Variants in RPN2 observed in about 807,000 individuals in gnomAD.
The protein encoded by RPN2 is ribophorin II.
Under a neutral mutation model 71.4 loss-of-function variants are expected in RPN2, and 29 were observed. That is an observed-to-expected ratio of 0.41 (90% CI 0.30 to 0.55). The LOEUF (loss-of-function observed/expected upper bound fraction) is 0.55, where lower values mean the gene tolerates loss of function less well. Ranked by LOEUF, RPN2 falls within the 20% of genes least tolerant of loss-of-function variation. RPN2 has a pLI of 0.35. For missense variants in RPN2, 726 were observed against 774.1 expected, an observed-to-expected ratio of 0.94 and a Z score of 0.74; for synonymous variants, 308 against 305.0, an observed-to-expected ratio of 1.01 and a Z score of -0.10.
At chr20:37,236,738 G>C in intron 16 of RPN2, 29 bp downstream of exon 16, 1 of 1,611,668 alleles carries the variant, frequency 6.2e-7, no homozygotes, top group Non-Finnish European at 8.5e-7. Flanking sequence ...CAGGGATCTA[G>C]AGTAGGGTTA....
intron 9 of RPN2, among the ~76,000 whole-genome samples, chr20:37,216,862 T>G (rs1481993232): frequency 6.6e-6 from 1 of 152,200 alleles, no homozygotes; most frequent in Non-Finnish European, 1.5e-5. Context: ...TTTTACACCC[T>G]TTTCTATAAT....
intron 2 of RPN2, among the ~76,000 whole-genome samples, chr20:37,190,563 G>A (rs560552407): frequency 2.0e-5 from 3 of 152,234 alleles, no homozygotes; most frequent in Admixed American, 6.5e-5. Context: ...GTGGTAATAC[G>A]TAGTATTACC....
At chr20:37,191,349 G>A (rs1397753167) in intron 2 of RPN2, among the ~76,000 whole-genome samples, 1 of 151,060 alleles carries the variant, frequency 6.6e-6, no homozygotes, top group Non-Finnish European at 1.5e-5. Flanking sequence ...TGGTGGGCAT[G>A]CCTGTAATCC....
intron 15 of RPN2, among the ~76,000 whole-genome samples, chr20:37,235,525 T>C (rs1451628102): frequency 6.6e-6 from 1 of 152,218 alleles, no homozygotes; most frequent in Non-Finnish European, 1.5e-5. Flanking sequence ...CCCTTTTCAC[T>C]CAGCCTTCTT....
At chr20:37,224,211 T>C (rs2050297974) in intron 10 of RPN2, among the ~76,000 whole-genome samples, 1 of 152,230 alleles carries the variant, frequency 6.6e-6, no homozygotes, top group African/African-American at 2.4e-5. Flanking sequence ...TAACCAGTCC[T>C]CAACGAGGTA....
Position 37,236,560 on chromosome 20 carries a change from C to T in RPN2, c.1754-20C>T. The T allele has an allele frequency of 3.1e-6, 5 of 1,613,712 alleles. No individual in the cohort carries two copies. Among genetic ancestry groups the T allele is most frequent in the African/African-American group, 1.3e-5 (1 of 75,066 alleles). On this transcript the variant is annotated intron_variant, in intron 15 of 16. Coordinates refer to ENST00000237530, the MANE Select transcript of RPN2 (RefSeq NM_002951.5). ...CATTATGTTTCATTTAATTGGATGT[C>T]ATGACACCTCTTCTTGCAGCTATGC... is the stretch of plus-strand genomic sequence containing the variant.
chr20:37,221,398 A>T (rs1387810118), intron 9 of RPN2, among the ~76,000 whole-genome samples: 1 of 152,048 alleles, frequency 6.6e-6, no homozygotes, highest in Non-Finnish European at 1.5e-5. Context: ...GGGTTTTGCC[A>T]TGTTGGTCAT....
At chr20:37,193,292 A>G (rs990318174) in intron 2 of RPN2, among the ~76,000 whole-genome samples, 3 of 152,198 alleles carry the variant, frequency 2.0e-5, no homozygotes, top group Admixed American at 1.3e-4. Flanking sequence ...GTGAAGGAAG[A>G]TGTGATTGAT....
At chr20:37,184,472 T>C in intron 2 of RPN2, 99 bp downstream of exon 2, 1 of 1,077,352 alleles carries the variant, frequency 9.3e-7, no homozygotes, top group Non-Finnish European at 1.4e-6. Context: ...TCTTGCTCAT[T>C]TGAGGATAAC....
chr20:37,183,705 G>A (rs1321306710), intron 1 of RPN2, among the ~76,000 whole-genome samples: 1 of 152,196 alleles, frequency 6.6e-6, no homozygotes, highest in East Asian at 1.9e-4. Flanking sequence ...AGCTGCTTAA[G>A]GAAGAGGTGC....
chr20:37,185,149 T>G (rs2146514166), intron 2 of RPN2, among the ~76,000 whole-genome samples: 1 of 151,766 alleles, frequency 6.6e-6, no homozygotes, highest in Non-Finnish European at 1.5e-5. Context: ...ACAGTCTTTT[T>G]TTTTTTTTTT....
chr20:37,237,413 G>A (rs2068428350), intron 16 of RPN2, among the ~76,000 whole-genome samples: 1 of 152,206 alleles, frequency 6.6e-6, no homozygotes, highest in Non-Finnish European at 1.5e-5. Context: ...GAACAGAATT[G>A]CTTTCACCTC....
chr20:37,191,739 A>T (rs994264173), intron 2 of RPN2, among the ~76,000 whole-genome samples: 1 of 152,116 alleles, frequency 6.6e-6, no homozygotes, highest in Non-Finnish European at 1.5e-5. Flanking sequence ...ATAAAACATA[A>T]GCATGTCAGA....
intron 2 of RPN2, among the ~76,000 whole-genome samples, chr20:37,186,600 A>G (rs1373341044): frequency 2.0e-5 from 3 of 152,212 alleles, no homozygotes; most frequent in Admixed American, 1.3e-4. Context: ...GGCATGAGCC[A>G]TTGTGCCTGA....
rs539172057 is a variant in RPN2 at position 37,182,457 on chromosome 20, C to G, written c.14-1723C>G. ...CCAGGGTGGAGTGCCATGGTGTGAT[C>G]TCAGCTCACTGCAGTCTCAACCTCC... On this transcript the variant is annotated intron_variant, in intron 1 of 16. Coordinates refer to ENST00000237530, the MANE Select transcript of RPN2 (RefSeq NM_002951.5). 2.6e-5 allele frequency among the ~76,000 whole-genome samples: 4 copies of G among 152,260 alleles called. No individual in the cohort carries two copies. The South Asian group carries it at 8.3e-4, about 32-fold the overall frequency.
intron 1 of RPN2, among the ~76,000 whole-genome samples, chr20:37,179,747 C>A (rs1027435475): frequency 1.9e-4 from 29 of 152,216 alleles, no homozygotes; most frequent in African/African-American, 6.8e-4. Context: ...AGGTTTTGGG[C>A]AGATTGTCCT....
At position 37,236,622 on chromosome 20, in the gene RPN2, T is replaced by C; in HGVS notation, c.1796T>C (p.Met599Thr). Residue 599 changes from methionine to threonine, a missense_variant, in exon 16 of 17, where the codon ATG becomes ACG. By Grantham distance (81) the Met-to-Thr change is moderately conservative (BLOSUM62 -1). Transcript: ENST00000237530. ...TATGTCTACTGGACTCAGCTCAACATGTTCCAGACCTTGAAGTACCTGGCC... is the reference window on the plus strand; with the variant it reads ...TATGTCTACTGGACTCAGCTCAACACGTTCCAGACCTTGAAGTACCTGGCC... ...LMYVYWTQLN[M>T]FQTLKYLAIL... The C allele has an allele frequency of 6.2e-7, 1 of 1,614,082 alleles. No individual in the cohort carries two copies. Among genetic ancestry groups the C allele is most frequent in the Non-Finnish European group, 8.5e-7 (1 of 1,179,924 alleles).
chr20:37,223,635 C>CTT (rs11482722), intron 9 of RPN2, among the ~76,000 whole-genome samples: 2,976 of 142,820 alleles, frequency 0.021, 95 homozygotes, highest in African/African-American at 0.069. Context: ...TTTTCTTCTT[C>CTT]TTTTTTTTTT....
chr20:37,207,836 C>T (rs913431086), intron 7 of RPN2, among the ~76,000 whole-genome samples: 1 of 152,048 alleles, frequency 6.6e-6, no homozygotes, highest in African/African-American at 2.4e-5. Flanking sequence ...CGCACACCAC[C>T]ATGCCTAGCT....
Sources: gnomAD v4.1 joint callset for allele counts (sites outside exome capture counted in the v4.1 genomes callset) on GRCh38, gnomAD v4.1.1 for gene constraint, MANE v1.5 for transcripts, NCBI Gene and HGNC (gene_info 2026-07-23, HGNC 2026-07-21) for gene names.